Variants in WHRN observed in about 807,000 individuals in gnomAD.
The protein encoded by WHRN is whirlin.
WHRN carries 41 observed loss-of-function variants against 68.3 expected under a neutral mutation model. That is an observed-to-expected ratio of 0.60 (90% CI 0.47 to 0.78). The LOEUF is 0.78. WHRN is among the 30% of genes least tolerant of loss of function. The probability of loss-of-function intolerance (pLI) is 0.00; values close to 1 mark genes in which losing one functional copy is unlikely to be tolerated. For missense variants in WHRN, 1,243 were observed against 1,244.7 expected (o/e 1.00, Z 0.02); for synonymous variants, 560 against 561.3 (o/e 1.00, Z 0.03).
At chr9:114,445,687 C>T (rs895858502) in intron 3 of WHRN, among the ~76,000 whole-genome samples, 8 of 152,122 alleles carry the variant, frequency 5.3e-5, no homozygotes, top group African/African-American at 1.7e-4. Context: ...TGCCGTGCCA[C>T]GCTGGAGAAG....
chr9:114,409,262 C>A (rs1028924302), intron 7 of WHRN, among the ~76,000 whole-genome samples: 7 of 152,218 alleles, frequency 4.6e-5, no homozygotes, highest in African/African-American at 1.4e-4. Context: ...ACCAACCCTG[C>A]CATTGGTAGC....
intron 3 of WHRN, among the ~76,000 whole-genome samples, chr9:114,451,556 A>T (rs550506468): frequency 4.1e-4 from 63 of 152,152 alleles, no homozygotes; most frequent in Non-Finnish European, 7.6e-4. Flanking sequence ...TGTGCGCATG[A>T]ACGCACACAC....
intron 3 of WHRN, among the ~76,000 whole-genome samples, chr9:114,459,186 G>A (rs1032242648): frequency 6.6e-6 from 1 of 152,154 alleles, no homozygotes; most frequent in African/African-American, 2.4e-5. Flanking sequence ...AGCCAGGCAT[G>A]GTGGCTCACA....
At chr9:114,484,927 GGGTCACA>G (rs1340199733) in intron 1 of WHRN, among the ~76,000 whole-genome samples, 3 of 152,190 alleles carry the variant, frequency 2.0e-5, no homozygotes, top group African/African-American at 7.2e-5. Flanking sequence ...AGACTGGAGA[GGGTCACA>G]GTGTAGGGGG....
intron 3 of WHRN, among the ~76,000 whole-genome samples, chr9:114,429,986 C>T (rs1837267879): frequency 6.6e-6 from 1 of 152,270 alleles, no homozygotes; most frequent in African/African-American, 2.4e-5. Flanking sequence ...GCTGGCTGCA[C>T]TCTTCATCGC....
chr9:114,445,232 G>C (rs1250867126), intron 3 of WHRN, among the ~76,000 whole-genome samples: 1 of 152,020 alleles, frequency 6.6e-6, no homozygotes, highest in African/African-American at 2.4e-5. Context: ...AGTAGAGATG[G>C]AGTTTCACCA....
intron 7 of WHRN, among the ~76,000 whole-genome samples, chr9:114,409,726 A>G (rs1270153318): frequency 2.0e-5 from 3 of 151,224 alleles, no homozygotes; most frequent in African/African-American, 7.3e-5. Flanking sequence ...ATCCATCCAC[A>G]AGGCATGCTG....
intron 3 of WHRN, among the ~76,000 whole-genome samples, chr9:114,450,834 C>G (rs975366085): frequency 6.7e-6 from 1 of 149,860 alleles, no homozygotes; most frequent in African/African-American, 2.5e-5. Context: ...TTTCCCCCCC[C>G]GCAAAAAAAT....
At chr9:114,479,364 G>A (rs1310909159) in intron 1 of WHRN, among the ~76,000 whole-genome samples, 6 of 152,156 alleles carry the variant, frequency 3.9e-5, no homozygotes, top group African/African-American at 1.4e-4. Context: ...ACAGGGAGGG[G>A]ACCCGTGGAA....
chr9:114,442,634 G>T (rs565774179), intron 3 of WHRN, among the ~76,000 whole-genome samples: 1 of 152,088 alleles, frequency 6.6e-6, no homozygotes, highest in African/African-American at 2.4e-5. Context: ...CCCTCCTCAC[G>T]GTAATGAGTT....
intron 3 of WHRN, among the ~76,000 whole-genome samples, chr9:114,456,250 A>G (rs1176137700): frequency 6.6e-6 from 1 of 152,182 alleles, no homozygotes; most frequent in Non-Finnish European, 1.5e-5. Context: ...ACTGTACATC[A>G]CAGAGTGACT....
chr9:114,464,816 AATGATGATGATGATGATGATG>A lies in WHRN; in HGVS notation c.963+1430_963+1450del, dbSNP rs10523063. Among the ~76,000 whole-genome samples, 160 of 144,746 alleles carry A rather than the reference AATGATGATGATGATGATGATG, an allele frequency of 1.1e-3. 1 individual carries two copies. The highest frequency in any genetic ancestry group is 4.4e-4 in the African/African-American group (16 of 36,432). 95.0% of individuals were successfully genotyped at this position (144,746 alleles called of 152,430 possible). A position where few individuals can be genotyped will look rare whatever the true frequency, so the allele number is the denominator to read the frequency against. On this transcript the variant is annotated intron_variant, in intron 3 of 11. Transcript: ENST00000362057. ...GGTAGATGTTAATGATTATGTCCAT[AATGATGATGATGATGATGATG>A]ATGATGATGATGATGATGATGATGA...
intron 3 of WHRN, among the ~76,000 whole-genome samples, chr9:114,433,833 G>C (rs1345670607): frequency 6.6e-6 from 1 of 152,190 alleles, no homozygotes; most frequent in Non-Finnish European, 1.5e-5. Flanking sequence ...GAAATGCTGT[G>C]GATGGACCCG....
Position 114,424,467 on chromosome 9 carries a change from T to C in WHRN, c.1283A>G (p.Glu428Gly). 2 of 1,613,896 alleles carry C rather than the reference T, an allele frequency of 1.2e-6. No individual in the cohort carries two copies. The highest frequency in any genetic ancestry group is 1.7e-6 in the Non-Finnish European group (2 of 1,179,970). Reference protein sequence around the residue: ...LGNQTRVLLEEQARHLLNEQE... With the variant: ...LGNQTRVLLEGQARHLLNEQE... ...CTCGTTCAGCAGGTGCCGAGCCTGC[T>C]CCTCCAGCAGCACTCGTGTCTGGTT... The change falls in exon 6 of 12, where the codon GAG (glutamate) becomes GGG (glycine). Residue 428 changes from glutamate to glycine, a missense_variant. Glu to Gly is a moderately conservative substitution (Grantham distance 98). Coordinates refer to ENST00000362057, the MANE Select transcript of WHRN (RefSeq NM_015404.4).
At chr9:114,488,683 G>A (rs556351101) in intron 1 of WHRN, among the ~76,000 whole-genome samples, 1 of 152,342 alleles carries the variant, frequency 6.6e-6, no homozygotes, top group Non-Finnish European at 1.5e-5. Flanking sequence ...GCCCTGCTTT[G>A]AGGGAGGACA....
At chr9:114,433,326 G>A (rs1039873391) in intron 3 of WHRN, among the ~76,000 whole-genome samples, 2 of 152,172 alleles carry the variant, frequency 1.3e-5, no homozygotes, top group African/African-American at 4.8e-5. Flanking sequence ...ACCTGATCCC[G>A]AGGCTGAGCT....
intron 3 of WHRN, among the ~76,000 whole-genome samples, chr9:114,460,400 G>C (rs1029818666): frequency 3.3e-5 from 5 of 152,214 alleles, no homozygotes; most frequent in African/African-American, 1.2e-4. Context: ...CTAATGTGTT[G>C]AGTACAGTGC....
chr9:114,425,074 G>A, intron 4 of WHRN, 50 bp from the exon 5 acceptor site: 1 of 1,597,204 alleles, frequency 6.3e-7, no homozygotes, highest in South Asian at 1.1e-5. Context: ...CAGATCAAAT[G>A]GGCGTGGGCA....
chr9:114,414,983 C>T (rs781377772), intron 7 of WHRN, among the ~76,000 whole-genome samples: 5 of 152,186 alleles, frequency 3.3e-5, no homozygotes, highest in Non-Finnish European at 5.9e-5. Context: ...TCTCTCCACA[C>T]AGAAGAGGCA....
Sources: allele counts gnomAD v4.1 joint callset (sites outside exome capture counted in the v4.1 genomes callset), GRCh38; gene constraint gnomAD v4.1.1; transcripts MANE v1.5; gene names NCBI Gene and HGNC (gene_info 2026-07-23, HGNC 2026-07-21).